Variants in SCARB1 observed in about 807,000 individuals in gnomAD.
The protein encoded by SCARB1 is CD36 and LIMPII analogous 1.
In SCARB1, 30 loss-of-function variants were observed where a neutral mutation model predicts 57.2. The ratio of observed to expected loss-of-function variants is 0.52; its 90% confidence interval spans 0.39 to 0.71. The LOEUF is 0.71. Ranked by LOEUF, SCARB1 falls within the 30% of genes least tolerant of loss-of-function variation. The pLI is 0.00. For missense variants in SCARB1, 543 were observed against 671.2 expected (o/e 0.81, Z 2.11); for synonymous variants, 249 against 268.3 (o/e 0.93, Z 0.70).
intron 1 of SCARB1, among the ~76,000 whole-genome samples, chr12:124,852,188 G>C (rs1331831860): frequency 6.6e-6 from 1 of 152,038 alleles, no homozygotes; most frequent in African/African-American, 2.4e-5. Flanking sequence ...TTATACACCC[G>C]CATCCCTTCC....
intron 1 of SCARB1, among the ~76,000 whole-genome samples, chr12:124,825,227 A>T (rs1430390594): frequency 1.4e-5 from 2 of 139,228 alleles, no homozygotes; most frequent in African/African-American, 5.7e-5. Context: ...TCCATCTCAA[A>T]AAAAAAAAAA....
chr12:124,807,688 C>T lies in SCARB1; in HGVS notation c.1009+73G>A. ...GAGGCCAGAGATTAAGCAGACAGCA[C>T]TGGGCAGATAAACCCTCAGCTGGCC... On this transcript the variant is annotated intron_variant, in intron 7 of 12. Coordinates refer to ENST00000261693, the MANE Select transcript of SCARB1 (RefSeq NM_005505.5). This position sits in a 1 kb window ranked among gnomAD's most constrained non-coding sequence, Gnocchi z 5.3. 7.0e-7 allele frequency: 1 copy of T among 1,434,950 alleles called. No homozygotes were observed. The highest frequency in any genetic ancestry group is 1.2e-5 in the South Asian group (1 of 85,506). 88.9% of individuals were successfully genotyped at this position (1,434,950 alleles called of 1,614,324 possible). A position where few individuals can be genotyped will look rare whatever the true frequency, so the allele number is the denominator to read the frequency against.
In SCARB1 at chr12:124,846,729, C is replaced by CAAA. The variant is rs5801572; in HGVS notation, c.126+16863_126+16865dup. Among the ~76,000 whole-genome samples the CAAA allele has an allele frequency of 8.5e-4, 39 of 46,032 alleles. 4 individuals are homozygous for CAAA. The highest frequency in any genetic ancestry group is 5.3e-3 in the East Asian group (6 of 1,140). 30.2% of individuals were successfully genotyped at this position (46,032 alleles called of 152,430 possible). On this transcript the variant is annotated intron_variant, in intron 1 of 12. Coordinates refer to ENST00000261693, the MANE Select transcript of SCARB1 (RefSeq NM_005505.5). Reference sequence around the variant, plus strand: ...CTGGCCACACAGCAAGACTCCATCTCAAAAAAAAAAAAAAAAAAAAAAAAA... The same window carrying CAAA: ...CTGGCCACACAGCAAGACTCCATCTCAAAAAAAAAAAAAAAAAAAAAAAAAAAA...
intron 1 of SCARB1, among the ~76,000 whole-genome samples, chr12:124,833,018 C>T (rs929685446): frequency 1.3e-5 from 2 of 151,970 alleles, no homozygotes; most frequent in African/African-American, 4.8e-5. Flanking sequence ...TTCCGTTTCC[C>T]AGCTTCTAAG....
In SCARB1 at chr12:124,778,454, G is replaced by T; in HGVS notation, c.*133C>A. The T allele has an allele frequency of 7.5e-7, 1 of 1,328,534 alleles. No individual in the cohort carries two copies. The highest frequency in any genetic ancestry group is 3.1e-5 in the East Asian group (1 of 32,682). 82.3% of individuals were successfully genotyped at this position (1,328,534 alleles called of 1,614,324 possible). ...TGTGCAGGTGTGCAACAGGCACATG[G>T]CAGCTGGGAGGCTCAGGCTGTGGGG... On this transcript the variant is annotated 3_prime_UTR_variant, in exon 13 of 13. Coordinates refer to ENST00000261693, the MANE Select transcript of SCARB1 (RefSeq NM_005505.5).
intron 8 of SCARB1, among the ~76,000 whole-genome samples, chr12:124,798,903 CA>C (rs940355269): frequency 6.6e-6 from 1 of 151,306 alleles, no homozygotes; most frequent in African/African-American, 2.4e-5. Flanking sequence ...TACTGGCTAC[CA>C]GGGGCAGGGA....
chr12:124,841,188 G>A (rs971123205), intron 1 of SCARB1, among the ~76,000 whole-genome samples: 3 of 152,106 alleles, frequency 2.0e-5, no homozygotes, highest in Admixed American at 6.5e-5. Context: ...TGGCTAACAC[G>A]GTGAAACCCC....
At chr12:124,851,563 C>T (rs1005477306) in intron 1 of SCARB1, among the ~76,000 whole-genome samples, 5 of 151,844 alleles carry the variant, frequency 3.3e-5, no homozygotes, top group African/African-American at 1.2e-4. Flanking sequence ...GACTCAGCCT[C>T]GCACAGTCCT....
chr12:124,809,309 G>C (rs1394160903), intron 6 of SCARB1, among the ~76,000 whole-genome samples: 1 of 152,148 alleles, frequency 6.6e-6, no homozygotes, highest in Non-Finnish European at 1.5e-5. Flanking sequence ...AGTCAGCTGG[G>C]TACAGTAGCT....
chr12:124,844,560 T>C (rs1010455593), intron 1 of SCARB1, among the ~76,000 whole-genome samples: 1 of 151,916 alleles, frequency 6.6e-6, no homozygotes, highest in Non-Finnish European at 1.5e-5. Context: ...GGTGATTACG[T>C]TTAAATGAGG....
At chr12:124,856,310 C>A (rs963534692) in intron 1 of SCARB1, among the ~76,000 whole-genome samples, 2 of 152,234 alleles carry the variant, frequency 1.3e-5, no homozygotes, top group Non-Finnish European at 2.9e-5. Flanking sequence ...CACATCATCA[C>A]GTCGTCACAC....
rs115604379 is a variant in SCARB1 at position 124,811,602 on chromosome 12, G to A, written c.726+268C>T. Among the ~76,000 whole-genome samples the A allele has an allele frequency of 1.2e-3, 179 of 152,186 alleles. 2 individuals carry two copies. Among genetic ancestry groups the A allele is most frequent in the African/African-American group, 4.1e-3 (172 of 41,500 alleles). ...AAAACATTTTTGTAAGTAAAGAATC[G>A]AAAGGAAGAAAGCACTCAGTTCCCA... On this transcript the variant is annotated intron_variant, in intron 5 of 12. Coordinates refer to ENST00000261693, the MANE Select transcript of SCARB1 (RefSeq NM_005505.5).
At chr12:124,818,482 T>A (rs558447854) in intron 1 of SCARB1, among the ~76,000 whole-genome samples, 29 of 152,252 alleles carry the variant, frequency 1.9e-4, no homozygotes, top group African/African-American at 2.6e-4. Flanking sequence ...TTATTTATTT[T>A]TTGAGATGGA....
In SCARB1 at chr12:124,812,199, C is replaced by T. The variant is rs1950556376; in HGVS notation, c.631-234G>A. ...GTGTTCCACCCTCCCTTCCTAACTC[C>T]AGGAGAGTCTGGCTTTCCTCCCAGG... On this transcript the variant is annotated intron_variant, in intron 4 of 12. Coordinates refer to ENST00000261693, the MANE Select transcript of SCARB1 (RefSeq NM_005505.5). This position sits in a 1 kb window ranked among gnomAD's most constrained non-coding sequence, Gnocchi z 4.3. Among the ~76,000 whole-genome samples, 1 of 152,182 alleles carries T rather than the reference C, an allele frequency of 6.6e-6. No individual in the cohort carries two copies. Among genetic ancestry groups the T allele is most frequent in the Admixed American group, 6.5e-5 (1 of 15,270 alleles).
intron 1 of SCARB1, among the ~76,000 whole-genome samples, chr12:124,859,869 T>A (rs1210630159): frequency 2.6e-5 from 4 of 151,450 alleles, no homozygotes; most frequent in African/African-American, 2.4e-5. Context: ...TTTTTAAACA[T>A]AAATAGCACC....
intron 10 of SCARB1, among the ~76,000 whole-genome samples, chr12:124,787,136 C>G (rs1344879811): frequency 6.6e-6 from 1 of 152,208 alleles, no homozygotes; most frequent in Non-Finnish European, 1.5e-5. Context: ...TATGCCCCAA[C>G]AAAATTATTT....
Position 124,796,763 on chromosome 12 carries a change from C to T in SCARB1, c.1129-1495G>A, listed in dbSNP as rs553157459. Among the ~76,000 whole-genome samples, 155 of 152,324 alleles carry T rather than the reference C, an allele frequency of 1.0e-3. No homozygotes were observed. Among genetic ancestry groups the T allele is most frequent in the African/African-American group, 3.6e-3 (150 of 41,574 alleles). On this transcript the variant is annotated intron_variant, in intron 8 of 12. Coordinates refer to ENST00000261693, the MANE Select transcript of SCARB1 (RefSeq NM_005505.5). This position sits in a 1 kb window ranked among gnomAD's most constrained non-coding sequence, Gnocchi z 4.0. ...GTGGCAAAGAAGAGCTCATTAAAGG[C>T]CTCACTTACGCCCACGACTGGGGAG...
chr12:124,803,704 AAAAAAAAAAAAT>A (rs1378443240), intron 7 of SCARB1, among the ~76,000 whole-genome samples: 5 of 142,136 alleles, frequency 3.5e-5, no homozygotes, highest in Non-Finnish European at 7.5e-5. Flanking sequence ...AAAAAAAAAA[AAAAAAAAAAAAT>A]TGAAATAAGA....
At chr12:124,788,998 G>A (rs1344046807) in intron 9 of SCARB1, among the ~76,000 whole-genome samples, 2 of 152,086 alleles carry the variant, frequency 1.3e-5, no homozygotes, top group Non-Finnish European at 2.9e-5. Flanking sequence ...GGGATGGCGG[G>A]GAGTCACAGG....
Sources: gnomAD v4.1 joint callset for allele counts (sites outside exome capture counted in the v4.1 genomes callset) on GRCh38, gnomAD v4.1.1 for gene constraint, Gnocchi (gnomAD v3.1) non-coding constraint, MANE v1.5 for transcripts, NCBI Gene and HGNC (gene_info 2026-07-23, HGNC 2026-07-21) for gene names.